The following MXD4 variants were observed in gnomAD, a reference collection of about 807,000 sequenced individuals.
The protein encoded by MXD4 is MAX dimerization protein 4, also known as Mad4 homolog.
In MXD4, 16 loss-of-function variants were observed where a neutral mutation model predicts 24.5. That is an observed-to-expected ratio of 0.65 (90% CI 0.44 to 0.99). MXD4 has a LOEUF of 0.99. Among genes scored for constraint, MXD4 ranks in the 50% least tolerant of loss-of-function variants. The pLI is 0.00. For missense variants in MXD4, 301 were observed against 301.5 expected, an observed-to-expected ratio of 1.00 and a Z score of 0.01; for synonymous variants, 164 against 134.2, an observed-to-expected ratio of 1.22 and a Z score of -1.54.
At chr4:2,252,741 C>T (rs1484036999) in intron 3 of MXD4, 1 of 525,002 alleles carries the variant, frequency 1.9e-6, no homozygotes, top group Non-Finnish European at 3.4e-6. Context: ...AAGCGCCCAG[C>T]TCACCATGGC....
At chr4:2,252,138 T>C (rs1024835127) in intron 4 of MXD4, among the ~76,000 whole-genome samples, 5 of 152,226 alleles carry the variant, frequency 3.3e-5, no homozygotes, top group South Asian at 4.1e-4. Context: ...TCCCAGTCTA[T>C]GCTGCGATGC....
rs1577815548 is a variant in MXD4 at position 2,249,627 on chromosome 4, G to A, written c.*917C>T. On this transcript the variant is annotated 3_prime_UTR_variant, in exon 6 of 6. Transcript: ENST00000337190. ...AGATGAGTAAGCCCCCGAGGACCCAGCGGCTGCAACTTAACCAGCCTCCAG... is the reference window on the plus strand; with the variant it reads ...AGATGAGTAAGCCCCCGAGGACCCAACGGCTGCAACTTAACCAGCCTCCAG... 6.6e-6 allele frequency: 1 copy of A among 152,198 alleles called. No individual in the cohort carries two copies. The highest frequency in any genetic ancestry group is 1.5e-5 in the Non-Finnish European group (1 of 68,080). The allele number at this position is 152,198 out of a possible 1,614,324, so 9.4% of individuals were successfully genotyped here.
chr4:2,250,533 A>AG lies in MXD4; in HGVS notation c.*10dup, dbSNP rs1735296453. ...GGCGGGCAGGCAGGCCAAGGAGCAG[A>AG]GGGCACGGGCCTACGAGAGGGCGGG... On this transcript the variant is annotated 3_prime_UTR_variant, in exon 6 of 6. Transcript: ENST00000337190. The AG allele has an allele frequency of 1.3e-6, 2 of 1,561,610 alleles. No homozygotes were observed. Among genetic ancestry groups the AG allele is most frequent in the Non-Finnish European group, 1.7e-6 (2 of 1,154,768 alleles).
Position 2,248,929 on chromosome 4 carries a change from G to A in MXD4, c.*1615C>T, listed in dbSNP as rs973240045. On this transcript the variant is annotated 3_prime_UTR_variant, in exon 6 of 6. Transcript: ENST00000337190. Reference sequence around the variant, plus strand: ...TGGTGCCAGGCCTGCACCACCCAGCGAGCACAGTCTTCATTGGCTGCCAGT... The same window carrying A: ...TGGTGCCAGGCCTGCACCACCCAGCAAGCACAGTCTTCATTGGCTGCCAGT... 2.0e-5 allele frequency: 3 copies of A among 152,354 alleles called. No homozygotes were observed. The highest frequency in any genetic ancestry group is 7.2e-5 in the African/African-American group (3 of 41,464). The allele number at this position is 152,354 out of a possible 1,614,324, so 9.4% of individuals were successfully genotyped here. A position where few individuals can be genotyped will look rare whatever the true frequency, so the allele number is the denominator to read the frequency against.
In MXD4 at chr4:2,261,832, C is replaced by T; in HGVS notation, c.65-8G>A. 1 of 1,373,784 alleles carries T rather than the reference C, an allele frequency of 7.3e-7. No homozygotes were observed. The highest frequency in any genetic ancestry group is 9.4e-7 in the Non-Finnish European group (1 of 1,061,770). The allele number at this position is 1,373,784 out of a possible 1,614,324, so 85.1% of individuals were successfully genotyped here. A position where few individuals can be genotyped will look rare whatever the true frequency, so the allele number is the denominator to read the frequency against. ...CGTAGCCGTGCTCGGCCTCTGCGGA[C>T]ACACGGCGCGGTCAGCGGCCCCCGC... On this transcript the variant is annotated splice_region_variant and splice_polypyrimidine_tract_variant and intron_variant, in intron 1 of 5. Coordinates refer to ENST00000337190, the MANE Select transcript of MXD4 (RefSeq NM_006454.3).
At chr4:2,257,790 T>C (rs1735460484) in intron 3 of MXD4, among the ~76,000 whole-genome samples, 192 bp downstream of exon 3, 1 of 152,258 alleles carries the variant, frequency 6.6e-6, no homozygotes. Context: ...TGCCATCTCC[T>C]GCCTCTAGCA....
chr4:2,248,369 G>A lies in MXD4; in HGVS notation c.*2175C>T, dbSNP rs913939520. 6.6e-6 allele frequency: 1 copy of A among 152,444 alleles called. No individual in the cohort carries two copies. The highest frequency in any genetic ancestry group is 1.5e-5 in the Non-Finnish European group (1 of 68,122). The allele number at this position is 152,444 out of a possible 1,614,324, so 9.4% of individuals were successfully genotyped here. On this transcript the variant is annotated 3_prime_UTR_variant, in exon 6 of 6. Transcript: ENST00000337190. The stretch of plus-strand genomic sequence containing the variant: ...CTGCTGGTCAGAGATGAGAGCAGAA[G>A]CCCCTAGCTGCCTCAGGCACTGGAG...
chr4:2,250,754 A>G (rs1735303216), intron 5 of MXD4, 53 bp from the exon 6 acceptor site: 1 of 1,577,462 alleles, frequency 6.3e-7, no homozygotes, highest in South Asian at 1.1e-5. Flanking sequence ...GTGCCAGCCC[A>G]TTTCTCCCTT....
chr4:2,255,487 T>C (rs1735407640), intron 3 of MXD4: 2 of 437,370 alleles, frequency 4.6e-6, no homozygotes, highest in Admixed American at 5.0e-5. Flanking sequence ...AGAGCAGCAG[T>C]GGCCTGGAGC....
At chr4:2,252,707 C>G (rs1735350104) in intron 3 of MXD4, 185 bp from the exon 4 acceptor site, 1 of 556,152 alleles carries the variant, frequency 1.8e-6, no homozygotes. Flanking sequence ...AGCCCAACAC[C>G]CACAGCCCCC....
rs925172525 is a variant in MXD4 at position 2,248,242 on chromosome 4, G to A, written c.*2302C>T. On this transcript the variant is annotated 3_prime_UTR_variant, in exon 6 of 6. Transcript: ENST00000337190. ...CAGCTGAACAGCACCCCGGGTGGCT[G>A]AGACTGCCTCCCAGTCCACGTGGGA... The A allele has an allele frequency of 6.6e-6, 1 of 152,562 alleles. No individual in the cohort carries two copies. The highest frequency in any genetic ancestry group is 1.5e-5 in the Non-Finnish European group (1 of 68,108). 9.5% of individuals were successfully genotyped at this position (152,562 alleles called of 1,614,324 possible).
chr4:2,256,877 C>G (rs894872161), intron 3 of MXD4, among the ~76,000 whole-genome samples: 1 of 152,146 alleles, frequency 6.6e-6, no homozygotes, highest in Non-Finnish European at 1.5e-5. Context: ...TCCAGGAAGC[C>G]TTCCCTGAAC....
intron 4 of MXD4, among the ~76,000 whole-genome samples, chr4:2,252,105 G>A (rs1250939766): frequency 6.6e-6 from 1 of 152,040 alleles, no homozygotes; most frequent in Non-Finnish European, 1.5e-5. Context: ...AGAGCAATCT[G>A]TCCCCCGACC....
In MXD4 at chr4:2,252,411, G is replaced by A. The variant is rs770688374; in HGVS notation, c.306C>T (p.Ile102=). Residue 102 remains isoleucine, a synonymous_variant, in exon 4 of 6, where the codon ATC becomes ATT. Transcript: ENST00000337190. ...GTGGAGAGCAAGGCCCACTCACCTT[G>A]ATGTGCACCTTGGCCCGCTTCAGGA... is the stretch of plus-strand genomic sequence containing the variant. The part of the protein sequence containing the change: ...LSLLKRAKVH[I]KKLEEQDRRA... 1 of 1,611,478 alleles carries A rather than the reference G, an allele frequency of 6.2e-7. No individual in the cohort carries two copies. The highest frequency in any genetic ancestry group is 2.2e-5 in the East Asian group (1 of 44,876).
chr4:2,260,620 C>A, intron 2 of MXD4: 1 of 454,902 alleles, frequency 2.2e-6, no homozygotes, highest in Non-Finnish European at 4.4e-6. Flanking sequence ...CCCAAACTGT[C>A]CCCAGTAGGG....
intron 3 of MXD4, chr4:2,255,497 C>A: frequency 2.3e-6 from 1 of 429,610 alleles, no homozygotes. Flanking sequence ...TGGCCTGGAG[C>A]CAACTCTACA....
In MXD4 at chr4:2,249,559, G is replaced by A. The variant is rs1247163599; in HGVS notation, c.*985C>T. 2 of 152,080 alleles carry A rather than the reference G, an allele frequency of 1.3e-5. No homozygotes were observed. Among genetic ancestry groups the A allele is most frequent in the African/African-American group, 2.4e-5 (1 of 41,406 alleles). 9.4% of individuals were successfully genotyped at this position (152,080 alleles called of 1,614,324 possible). On this transcript the variant is annotated 3_prime_UTR_variant, in exon 6 of 6. Transcript: ENST00000337190. ...CCAGGAGCCCTAACCGGGCTGCTGG[G>A]CAGTGCAGCATTTTACTTTTTTGCT...
intron 2 of MXD4, 34 bp downstream of exon 2, chr4:2,261,691 C>A: frequency 2.5e-6 from 3 of 1,208,798 alleles, no homozygotes; most frequent in Non-Finnish European, 3.1e-6. Flanking sequence ...GGGTTCGGAC[C>A]GGGCCGGGCG....
chr4:2,260,498 C>A, intron 2 of MXD4: 1 of 454,006 alleles, frequency 2.2e-6, no homozygotes, highest in South Asian at 1.6e-5. Context: ...GCTCACGCCC[C>A]AGAGTTCTCC....
Sources: gnomAD v4.1 joint callset for allele counts (sites outside exome capture counted in the v4.1 genomes callset) on GRCh38, gnomAD v4.1.1 for gene constraint, MANE v1.5 for transcripts, NCBI Gene and HGNC (gene_info 2026-07-23, HGNC 2026-07-21) for gene names.